RBFOX3: variants seen among roughly 807,000 people sequenced by gnomAD.
RBFOX3 encodes the protein RNA binding protein fox-1 homolog 3.
Under a neutral mutation model 48.7 loss-of-function variants are expected in RBFOX3, and 17 were observed. That is an observed-to-expected ratio of 0.35 (90% confidence interval 0.24 to 0.52). The LOEUF is 0.52. Ranked by LOEUF, RBFOX3 falls within the 20% of genes least tolerant of loss-of-function variation. The pLI, the probability that RBFOX3 is intolerant of heterozygous loss-of-function variation, is 0.94. For synonymous variants in RBFOX3, 212 were observed against 209.5 expected (o/e 1.01, Z -0.10); for missense variants, 382 against 497.5 (o/e 0.77, Z 2.21).
At chr17:79,371,268 G>A (rs959896624) in intron 2 of RBFOX3, among the ~76,000 whole-genome samples, 4 of 152,372 alleles carry the variant, frequency 2.6e-5, no homozygotes, top group Middle Eastern at 3.4e-3. Context: ...GAAGGTTCTG[G>A]TACGTTCCAC....
At position 79,462,984 on chromosome 17, in the gene RBFOX3, T is replaced by TCGCCACTGCCACTGCCACCTCCAC. The variant is rs1555750048; in HGVS notation, c.-175+19446_-175+19469dup. On this transcript the variant is annotated intron_variant, in intron 2 of 14. Transcript: ENST00000693108. ...GTTGCCACTGCCACCTCCACCACCA[T>TCGCCACTGCCACTGCCACCTCCAC]CGCCACTGCCACTGCCACCTCCACC... 3.5e-3 allele frequency among the ~76,000 whole-genome samples: 526 copies of TCGCCACTGCCACTGCCACCTCCAC among 151,092 alleles called. 2 individuals carry two copies. Among genetic ancestry groups the TCGCCACTGCCACTGCCACCTCCAC allele is most frequent in the Middle Eastern group, 6.8e-3 (2 of 294 alleles).
At chr17:79,100,152 GTTCTGA>G (rs937363265) in intron 9 of RBFOX3, 6 of 152,288 alleles carry the variant, frequency 3.9e-5, no homozygotes. Flanking sequence ...AGATGGGTCT[GTTCTGA>G]TTTCCATGCT....
At chr17:79,262,105 G>A (rs1382125744) in intron 3 of RBFOX3, among the ~76,000 whole-genome samples, 1 of 152,226 alleles carries the variant, frequency 6.6e-6, no homozygotes, top group Admixed American at 6.5e-5. Flanking sequence ...CCCTTTCTCT[G>A]CCTGGGCTGT....
At chr17:79,209,573 C>A (rs1386395414) in intron 4 of RBFOX3, among the ~76,000 whole-genome samples, 3 of 152,232 alleles carry the variant, frequency 2.0e-5, no homozygotes, top group Non-Finnish European at 4.4e-5. Context: ...GAGAGATGAA[C>A]CACCTCGGTA....
intron 2 of RBFOX3, among the ~76,000 whole-genome samples, chr17:79,389,280 G>A (rs1316939476): frequency 6.6e-6 from 1 of 152,190 alleles, no homozygotes; most frequent in Non-Finnish European, 1.5e-5. Context: ...AGGACTGGGG[G>A]TAGAAACACA....
At chr17:79,315,548 G>T (rs2077421154) in intron 2 of RBFOX3, among the ~76,000 whole-genome samples, 1 of 152,246 alleles carries the variant, frequency 6.6e-6, no homozygotes, top group Admixed American at 6.5e-5. Flanking sequence ...ACACTTGCTG[G>T]CCACTGCGGC....
rs186334760 is a variant in RBFOX3 at position 79,409,994 on chromosome 17, C to T, written c.-175+72460G>A. ...GGTGGTATTTGGAATGCAGACAATG[C>T]GAATGGAAGGATGTGTTGTGATTTC... On this transcript the variant is annotated intron_variant, in intron 2 of 14. Transcript: ENST00000693108. Among the ~76,000 whole-genome samples the T allele has an allele frequency of 7.2e-5, 11 of 152,326 alleles. No homozygotes were observed. The East Asian group carries it at 1.2e-3, about 16-fold the overall frequency.
At chr17:79,478,152 G>A (rs931357884) in intron 2 of RBFOX3, among the ~76,000 whole-genome samples, 1 of 152,214 alleles carries the variant, frequency 6.6e-6, no homozygotes, top group Non-Finnish European at 1.5e-5. Context: ...GCCCTCAAGG[G>A]TGCCATGCTC....
chr17:79,316,628 C>T (rs72849020), intron 2 of RBFOX3, among the ~76,000 whole-genome samples: 9,809 of 152,326 alleles, frequency 0.064, 392 homozygotes, highest in Non-Finnish European at 0.09. Flanking sequence ...ACAAGGCCAC[C>T]ACGGCCCCAG....
At chr17:79,288,349 G>T (rs909661112) in intron 3 of RBFOX3, among the ~76,000 whole-genome samples, 7 of 152,186 alleles carry the variant, frequency 4.6e-5, no homozygotes, top group Non-Finnish European at 7.4e-5. Flanking sequence ...TCAGAGAGCG[G>T]AGATAGATCC....
chr17:79,280,157 A>ACACG (rs2069954576), intron 3 of RBFOX3, among the ~76,000 whole-genome samples: 1 of 127,442 alleles, frequency 7.8e-6, no homozygotes, highest in Non-Finnish European at 1.7e-5. Context: ...GCGTGCACAC[A>ACACG]CACACGCACA....
At chr17:79,510,810 C>T (rs1227902142) in intron 1 of RBFOX3, among the ~76,000 whole-genome samples, 1 of 152,132 alleles carries the variant, frequency 6.6e-6, no homozygotes, top group Non-Finnish European at 1.5e-5. Context: ...CAGTGGAGGG[C>T]AGGGGAGGGC....
chr17:79,199,174 G>A lies in RBFOX3; in HGVS notation c.-34+36592C>T, dbSNP rs1158744324. 6.6e-6 allele frequency among the ~76,000 whole-genome samples: 1 copy of A among 152,116 alleles called. No individual in the cohort carries two copies. Among genetic ancestry groups the A allele is most frequent in the African/African-American group, 2.4e-5 (1 of 41,404 alleles). ...CAGCTGTGGTCATAGGGTGGGGATG[G>A]GAAGGCAGACTCTGGCTGGCTCACT... On this transcript the variant is annotated intron_variant, in intron 4 of 14. Transcript: ENST00000693108. The surrounding 1 kb of genome is among the most constrained non-coding windows in gnomAD (Gnocchi z 5.1).
rs189238750 is a variant in RBFOX3 at position 79,360,580 on chromosome 17, C to T, written c.-174-52756G>A. 4.0e-4 allele frequency among the ~76,000 whole-genome samples: 61 copies of T among 152,292 alleles called. 1 individual carries two copies. In the South Asian group the frequency reaches 5.0e-3, roughly 12 times the overall value. ...ACGATGAAATGGGACAAGCTCTCAC[C>T]GCTGCCCGTGGAGGGATACCTGGCT... On this transcript the variant is annotated intron_variant, in intron 2 of 14. Coordinates refer to ENST00000693108, the MANE Select transcript of RBFOX3 (RefSeq NM_001350451.2).
chr17:79,423,048 A>C lies in RBFOX3; in HGVS notation c.-175+59406T>G, dbSNP rs1334707494. Among the ~76,000 whole-genome samples, 1 of 152,146 alleles carries C rather than the reference A, an allele frequency of 6.6e-6. No individual in the cohort carries two copies. The highest frequency in any genetic ancestry group is 1.5e-5 in the Non-Finnish European group (1 of 68,020). On this transcript the variant is annotated intron_variant, in intron 2 of 14. Transcript: ENST00000693108. The surrounding 1 kb of genome is among the most constrained non-coding windows in gnomAD (Gnocchi z 4.9). ...GGGACAGGCCGGCCCCTGCGACGGGACTTCGGGTGCCCCGTGTGCCACGAA... is the reference window on the plus strand; with the variant it reads ...GGGACAGGCCGGCCCCTGCGACGGGCCTTCGGGTGCCCCGTGTGCCACGAA...
the RBFOX3 span, among the ~76,000 whole-genome samples, chr17:79,624,446 C>T: frequency 6.6e-6 from 1 of 152,158 alleles, no homozygotes; most frequent in Admixed American, 6.5e-5. Context: ...AGAGAGGCCT[C>T]CAGTTGCCAG....
chr17:79,099,815 T>C (rs2076085025), intron 9 of RBFOX3: 1 of 152,188 alleles, frequency 6.6e-6, no homozygotes, highest in Admixed American at 6.6e-5. Flanking sequence ...CTACCGTAAA[T>C]AGTTAACACC....
At chr17:79,433,290 T>C (rs1478235210) in intron 2 of RBFOX3, among the ~76,000 whole-genome samples, 1 of 152,208 alleles carries the variant, frequency 6.6e-6, no homozygotes, top group African/African-American at 2.4e-5. Context: ...ACCCCTACTC[T>C]AGCTACCCAG....
At chr17:79,206,885 G>A (rs1169492966) in intron 4 of RBFOX3, among the ~76,000 whole-genome samples, 1 of 152,148 alleles carries the variant, frequency 6.6e-6, no homozygotes, top group African/African-American at 2.4e-5. Context: ...CCATCTCATT[G>A]ACTCAATAGT....
Sources: allele counts gnomAD v4.1 joint callset (sites outside exome capture counted in the v4.1 genomes callset), GRCh38; gene constraint gnomAD v4.1.1; non-coding constraint Gnocchi (gnomAD v3.1); transcripts MANE v1.5; gene names NCBI Gene and HGNC (gene_info 2026-07-23, HGNC 2026-07-21).